SPIDR: variants seen among roughly 807,000 people sequenced by gnomAD.
SPIDR encodes DNA repair-scaffolding protein.
SPIDR carries 93 observed loss-of-function variants against 104.6 expected under a neutral mutation model. That is an observed-to-expected ratio of 0.89 (90% CI 0.75 to 1.06). The LOEUF is 1.06. SPIDR is among the 50% of genes least tolerant of loss of function. The pLI, the probability that SPIDR is intolerant of heterozygous loss-of-function variation, is 0.00. For missense variants in SPIDR, 1,154 were observed against 1,111.2 expected (o/e 1.04, Z -0.55); for synonymous variants, 431 against 416.9 (o/e 1.03, Z -0.41).
chr8:47,487,576 T>G (rs2077891331), intron 8 of SPIDR, among the ~76,000 whole-genome samples: 1 of 152,052 alleles, frequency 6.6e-6, no homozygotes, highest in Non-Finnish European at 1.5e-5. Context: ...CACTTCGTAC[T>G]TACTCCAAAA....
At chr8:47,500,720 G>A (rs895423950) in intron 8 of SPIDR, among the ~76,000 whole-genome samples, 2 of 152,174 alleles carry the variant, frequency 1.3e-5, no homozygotes, top group African/African-American at 2.4e-5. Context: ...CCTTGCCCAT[G>A]CCTATGTCCT....
chr8:47,379,283 C>T (rs1177883690), intron 5 of SPIDR, among the ~76,000 whole-genome samples: 1 of 152,302 alleles, frequency 6.6e-6, no homozygotes, highest in Admixed American at 6.5e-5. Flanking sequence ...GGCTTGGTGG[C>T]TCACGCCTGT....
chr8:47,545,312 G>T (rs189655105), intron 8 of SPIDR, among the ~76,000 whole-genome samples: 1 of 151,426 alleles, frequency 6.6e-6, no homozygotes, highest in East Asian at 1.9e-4. Flanking sequence ...TAAGTGATTC[G>T]CCCTCTTTGG....
intron 7 of SPIDR, among the ~76,000 whole-genome samples, chr8:47,408,303 G>A (rs1459767139): frequency 6.6e-6 from 1 of 152,036 alleles, no homozygotes; most frequent in Non-Finnish European, 1.5e-5. Flanking sequence ...GGGTCTCACC[G>A]TTGCCCAGGC....
chr8:47,337,650 A>G (rs2050016954), intron 5 of SPIDR, among the ~76,000 whole-genome samples: 1 of 150,864 alleles, frequency 6.6e-6, no homozygotes, highest in Admixed American at 6.6e-5. Context: ...CATTGTTTAA[A>G]AAAAAAAAAA....
chr8:47,462,781 A>C (rs2074152488), intron 8 of SPIDR, among the ~76,000 whole-genome samples: 1 of 152,228 alleles, frequency 6.6e-6, no homozygotes, highest in Non-Finnish European at 1.5e-5. Flanking sequence ...ATTTCTAAAG[A>C]CATCACATCT....
At chr8:47,471,403 A>G (rs930514419) in intron 8 of SPIDR, among the ~76,000 whole-genome samples, 1 of 152,128 alleles carries the variant, frequency 6.6e-6, no homozygotes, top group Admixed American at 6.5e-5. Context: ...AAGATATACT[A>G]ATTGCCAATA....
intron 5 of SPIDR, among the ~76,000 whole-genome samples, chr8:47,391,526 G>GA (rs1554652021): frequency 6.6e-6 from 1 of 152,050 alleles, no homozygotes; most frequent in East Asian, 1.9e-4. Context: ...GGGCAACGGA[G>GA]TGAGATCCTG....
At chr8:47,394,652 G>A (rs1204651361) in intron 5 of SPIDR, among the ~76,000 whole-genome samples, 4 of 152,202 alleles carry the variant, frequency 2.6e-5, no homozygotes, top group Non-Finnish European at 5.9e-5. Context: ...AGACAGTGCT[G>A]TAGGACAAAG....
At chr8:47,543,553 GTATT>G (rs1276047365) in intron 8 of SPIDR, among the ~76,000 whole-genome samples, 3 of 152,082 alleles carry the variant, frequency 2.0e-5, no homozygotes, top group Non-Finnish European at 4.4e-5. Context: ...CCTAACACAG[GTATT>G]TATGCCCAAT....
intron 5 of SPIDR, among the ~76,000 whole-genome samples, chr8:47,359,883 T>C (rs1457519610): frequency 6.6e-6 from 1 of 152,342 alleles, no homozygotes; most frequent in Non-Finnish European, 1.5e-5. Context: ...ATTTTCTACA[T>C]ATGTATGCAT....
rs1160351168 is a variant in SPIDR at position 47,269,165 on chromosome 8, CTTTTTTTTTTT to C, written c.33+8188_33+8198del. On this transcript the variant is annotated intron_variant, in intron 1 of 19. Coordinates refer to ENST00000297423, the MANE Select transcript of SPIDR (RefSeq NM_001080394.4). ...CTGGGCAACAGAGTGAGACCCTCTCCTTTTTTTTTTTTTTTTTTTTTTTTAAAGGAGGTAGA... is the reference window on the plus strand; with the variant it reads ...CTGGGCAACAGAGTGAGACCCTCTCCTTTTTTTTTTTTTAAAGGAGGTAGA... Among the ~76,000 whole-genome samples, 5 of 111,812 alleles carry C rather than the reference CTTTTTTTTTTT, an allele frequency of 4.5e-5. 1 individual carries two copies. The highest frequency in any genetic ancestry group is 1.5e-4 in the African/African-American group (4 of 26,556). 73.4% of individuals were successfully genotyped at this position (111,812 alleles called of 152,430 possible). A position where few individuals can be genotyped will look rare whatever the true frequency, so the allele number is the denominator to read the frequency against.
chr8:47,370,487 C>T (rs991111203), intron 5 of SPIDR, among the ~76,000 whole-genome samples: 1 of 142,520 alleles, frequency 7.0e-6, no homozygotes, highest in Non-Finnish European at 1.5e-5. Context: ...TGCGCTGTCG[C>T]CCAGGCTGGA....
At chr8:47,649,197 C>T (rs545363488) in intron 10 of SPIDR, among the ~76,000 whole-genome samples, 46 of 151,844 alleles carry the variant, frequency 3.0e-4, no homozygotes, top group African/African-American at 1.1e-3. Flanking sequence ...GCACAATGAT[C>T]ATTCCTGTGA....
At position 47,293,877 on chromosome 8, in the gene SPIDR, G is replaced by C; in HGVS notation, c.372G>C (p.Gln124His). 3 of 1,607,898 alleles carry C rather than the reference G, an allele frequency of 1.9e-6. No homozygotes were observed. The highest frequency in any genetic ancestry group is 2.5e-6 in the Non-Finnish European group (3 of 1,177,224). Residue 124 changes from glutamine (Q) to histidine (H), a missense_variant, in exon 5 of 20, where the codon CAG becomes CAC. Gln to His is a conservative substitution (Grantham distance 24). Transcript: ENST00000297423. ...TLSQLQRDEL[Q>H]FIDWEIDSDR... ...AATTATATTTTTTAGATGAATTACA[G>C]TTTATCGACTGGGAGATTGACAGTG...
At chr8:47,658,942 CAAA>C (rs772463596) in intron 10 of SPIDR, among the ~76,000 whole-genome samples, 7 of 71,956 alleles carry the variant, frequency 9.7e-5, no homozygotes, top group Admixed American at 1.6e-4. Flanking sequence ...ATCTCCATCT[CAAA>C]AAAAAAAAAA....
At chr8:47,611,226 C>G (rs1176212606) in intron 10 of SPIDR, among the ~76,000 whole-genome samples, 1 of 152,142 alleles carries the variant, frequency 6.6e-6, no homozygotes, top group Non-Finnish European at 1.5e-5. Flanking sequence ...CAGGAATACT[C>G]TGCTTTGGGA....
chr8:47,326,035 A>G (rs1294227854), intron 5 of SPIDR, among the ~76,000 whole-genome samples: 1 of 151,916 alleles, frequency 6.6e-6, no homozygotes, highest in Non-Finnish European at 1.5e-5. Flanking sequence ...TTTGTTTCTC[A>G]CAATGGACTG....
At chr8:47,424,176 G>T (rs1359356367) in intron 7 of SPIDR, among the ~76,000 whole-genome samples, 1 of 152,230 alleles carries the variant, frequency 6.6e-6, no homozygotes, top group Non-Finnish European at 1.5e-5. Flanking sequence ...GCAGAACTGA[G>T]TTCAGGAGAT....
Sources: allele counts gnomAD v4.1 joint callset (sites outside exome capture counted in the v4.1 genomes callset), GRCh38; gene constraint gnomAD v4.1.1; transcripts MANE v1.5; gene names NCBI Gene and HGNC (gene_info 2026-07-23, HGNC 2026-07-21).